The following BDP1 variants were observed in gnomAD, a reference collection of about 807,000 sequenced individuals.
The protein encoded by BDP1 is transcription factor TFIIIB component B'' homolog.
A neutral mutation model predicts 266.6 loss-of-function variants in BDP1; 169 were observed. That is an observed-to-expected ratio of 0.63 (90% confidence interval 0.56 to 0.72). The LOEUF (loss-of-function observed/expected upper bound fraction) is 0.72. BDP1 is among the 30% of genes least tolerant of loss of function. BDP1 has a pLI of 0.00. For missense variants in BDP1, 3,015 were observed against 3,053.8 expected, an observed-to-expected ratio of 0.99 and a Z score of 0.30; for synonymous variants, 1,090 against 1,022.4, an observed-to-expected ratio of 1.07 and a Z score of -1.26.
intron 22 of BDP1, 52 bp from the exon 23 acceptor site, chr5:71,522,237 C>T: frequency 6.8e-7 from 1 of 1,465,124 alleles, no homozygotes. Flanking sequence ...GCTGTTATAT[C>T]AACAAGAAAT....
At chr5:71,502,571 CATT>C in intron 14 of BDP1, 25 bp from the exon 15 acceptor site, 2 of 1,543,558 alleles carry the variant, frequency 1.3e-6, no homozygotes, top group Non-Finnish European at 1.8e-6. Flanking sequence ...TCAAAATAAA[CATT>C]AATTTTATTT....
Position 71,553,259 on chromosome 5 carries a change from T to C in BDP1, c.7139T>C (p.Ile2380Thr). The change falls in exon 35 of 39, where the codon ATT (isoleucine) becomes ACT (threonine). Residue 2380 changes from isoleucine (I) to threonine (T), a missense_variant. Physicochemically the swap from Ile to Thr is moderately conservative, Grantham distance 89 (BLOSUM62 -1). Around this residue, in one of 3 missense-constraint regions of BDP1, gnomAD observed 629 missense variants for 632.5 expected, o/e 0.99. Coordinates refer to ENST00000358731, the MANE Select transcript of BDP1 (RefSeq NM_018429.3). The stretch of plus-strand genomic sequence containing the variant: ...TGCAGGCTTGATAAAAATGACCACA[T>C]TCCTCCTGCCAAAAAACGTTCACTC... ...FQCRLDKNDH[I>T]PPAKKRSLTL... 6.2e-7 allele frequency: 1 copy of C among 1,613,274 alleles called. No individual in the cohort carries two copies. Among genetic ancestry groups the C allele is most frequent in the Non-Finnish European group, 8.5e-7 (1 of 1,179,946 alleles).
At chr5:71,557,586 G>A (rs958292584) in intron 36 of BDP1, among the ~76,000 whole-genome samples, 11 of 151,734 alleles carry the variant, frequency 7.2e-5, no homozygotes, top group African/African-American at 2.2e-4. Context: ...GGATTTCACC[G>A]TATTAGCCAG....
intron 16 of BDP1, among the ~76,000 whole-genome samples, chr5:71,508,112 G>A (rs112244595): frequency 0.01 from 1,572 of 151,754 alleles, 25 homozygotes; most frequent in African/African-American, 0.036. Context: ...TTACAGGCGC[G>A]TGCCACCACG....
rs541171520 is a variant in BDP1, at chr5:71,546,085, C to G, written c.6744+866C>G. Reference sequence around the variant, plus strand: ...ATTAGAGATGAACTTAGAAAGATAGCCTGCAGACAGATCATAAAAGGATTT... The same window carrying G: ...ATTAGAGATGAACTTAGAAAGATAGGCTGCAGACAGATCATAAAAGGATTT... On this transcript the variant is annotated intron_variant, in intron 32 of 38. Coordinates refer to ENST00000358731, the MANE Select transcript of BDP1 (RefSeq NM_018429.3). 9.9e-5 allele frequency among the ~76,000 whole-genome samples: 15 copies of G among 152,130 alleles called. No homozygotes were observed. In the South Asian group the frequency reaches 2.7e-3, roughly 27 times the overall value.
Position 71,542,371 on chromosome 5 carries a change from AAT to A in BDP1, c.6412+108_6412+109del, listed in dbSNP as rs1311151476. The A allele has an allele frequency of 4.9e-6, 5 of 1,012,446 alleles. No individual in the cohort carries two copies. In the African/African-American group the frequency reaches 8.3e-5, roughly 17 times the overall value. The allele number at this position is 1,012,446 out of a possible 1,614,324, so 62.7% of individuals were successfully genotyped here. On this transcript the variant is annotated intron_variant, in intron 30 of 38. Transcript: ENST00000358731. ...ATTAAATTGTTTTAACTTACAATAA[AAT>A]AGTTTCAAATTAAAAAGTAAGACGA...
rs561445936 is a variant in BDP1 at position 71,539,640 on chromosome 5, C to A, written c.6013C>A (p.Gln2005Lys). The change falls in exon 28 of 39, where the codon CAG becomes AAG. Residue 2005 changes from glutamine (Q) to lysine (K), a missense_variant. Coordinates refer to ENST00000358731, the MANE Select transcript of BDP1 (RefSeq NM_018429.3). ...ATTGCAGTCAGAGATCAGTAGTGAA[C>A]AGGGTGATGGTAAGAATGAAAGCTA... Reference protein sequence around the residue: ...LVLQSEISSEQGDVGVCIIPH... With the variant: ...LVLQSEISSEKGDVGVCIIPH... The A allele has an allele frequency of 6.2e-7, 1 of 1,606,912 alleles. No individual in the cohort carries two copies. The highest frequency in any genetic ancestry group is 1.3e-5 in the African/African-American group (1 of 74,584).
At chr5:71,479,934 G>A (rs965241436) in intron 7 of BDP1, among the ~76,000 whole-genome samples, 3 of 51,578 alleles carry the variant, frequency 5.8e-5, no homozygotes, top group African/African-American at 1.2e-4. Context: ...TTTGGTCTCC[G>A]TCACGGGTTT....
chr5:71,461,732 G>C, intron 2 of BDP1, 85 bp from the exon 3 acceptor site: 1 of 711,268 alleles, frequency 1.4e-6, no homozygotes, highest in East Asian at 2.6e-5. Flanking sequence ...TACAGTGAAC[G>C]CAACAGTGGA....
chr5:71,512,605 CAT>C (rs911383622), intron 18 of BDP1, among the ~76,000 whole-genome samples, 177 bp downstream of exon 18: 2 of 152,138 alleles, frequency 1.3e-5, no homozygotes, highest in Non-Finnish European at 2.9e-5. Flanking sequence ...AAGTTACTGA[CAT>C]ACAAAATTGT....
chr5:71,531,780 A>G (rs1197193274), intron 25 of BDP1, among the ~76,000 whole-genome samples: 1 of 152,142 alleles, frequency 6.6e-6, no homozygotes, highest in Non-Finnish European at 1.5e-5. Flanking sequence ...AAGTGCTGGG[A>G]TTACAGGCGT....
At chr5:71,480,929 C>T (rs573046611) in intron 7 of BDP1, among the ~76,000 whole-genome samples, 2 of 152,250 alleles carry the variant, frequency 1.3e-5, no homozygotes, top group Non-Finnish European at 2.9e-5. Flanking sequence ...GTAGTCCCAA[C>T]ACTTTGGGAG....
At position 71,510,425 on chromosome 5, in the gene BDP1, A is replaced by G; in HGVS notation, c.3333A>G (p.Leu1111=). The change falls in exon 17 of 39, where the codon CTA becomes CTG. Residue 1111 remains leucine (L), a synonymous_variant. Transcript: ENST00000358731. ...ATGGCCTAGAGGAGGTTAAGCCTCT[A>G]GGTGAAATGCAAACAGATTTGAAAG... ...QENGLEEVKP[L]GEMQTDLKAT... 6.2e-7 allele frequency: 1 copy of G among 1,614,072 alleles called. No individual in the cohort carries two copies. Among genetic ancestry groups the G allele is most frequent in the Non-Finnish European group, 8.5e-7 (1 of 1,179,972 alleles).
At chr5:71,573,072 T>C in the BDP1 span, among the ~76,000 whole-genome samples, 2 of 151,756 alleles carry the variant, frequency 1.3e-5, no homozygotes, top group Non-Finnish European at 1.5e-5. Context: ...CTACTAAAAA[T>C]ACAAAAATTA....
rs746853594 is a variant in BDP1 at position 71,456,027 on chromosome 5, C to G, written c.150C>G (p.Pro50=). Residue 50 remains proline, a synonymous_variant, in exon 1 of 39, where the codon CCC becomes CCG. Transcript: ENST00000358731. ...ACTCTGCTTCCAAGCCCGCGGAGCC[C>G]ACAGATGTGCCCACAGTCGATTTCG... ...ATDSASKPAE[P]TDVPTVDFGG... is the part of the protein sequence containing the mutation. 2 of 1,613,436 alleles carry G rather than the reference C, an allele frequency of 1.2e-6. No individual in the cohort carries two copies. The highest frequency in any genetic ancestry group is 3.3e-5 in the Admixed American group (2 of 60,036).
At position 71,550,393 on chromosome 5, in the gene BDP1, C is replaced by T. The variant is rs145091479; in HGVS notation, c.6995+787C>T. Among the ~76,000 whole-genome samples the T allele has an allele frequency of 5.4e-3, 823 of 152,018 alleles. 7 individuals carry two copies. The highest frequency in any genetic ancestry group is 0.019 in the African/African-American group (790 of 41,466). ...AGAGTGAGGAAAAAAAAAAAAAGAT[C>T]CTCATGCCTCAGCCTTTCAAGTAGC... On this transcript the variant is annotated intron_variant, in intron 34 of 38. Transcript: ENST00000358731.
At chr5:71,472,656 T>C (rs1422269559) in intron 7 of BDP1, among the ~76,000 whole-genome samples, 1 of 152,158 alleles carries the variant, frequency 6.6e-6, no homozygotes, top group Non-Finnish European at 1.5e-5. Flanking sequence ...TAATTTTCTT[T>C]TACAAAGTCT....
At chr5:71,492,267 T>C (rs573417420) in intron 11 of BDP1, among the ~76,000 whole-genome samples, 1 of 152,272 alleles carries the variant, frequency 6.6e-6, no homozygotes, top group South Asian at 2.1e-4. Flanking sequence ...AGAAGTGGGG[T>C]TGCTAGATCA....
chr5:71,522,755 G>C lies in BDP1; in HGVS notation c.5194-1G>C, dbSNP rs1765570609. The C allele has an allele frequency of 6.3e-7, 1 of 1,579,684 alleles. No homozygotes were observed. Among genetic ancestry groups the C allele is most frequent in the African/African-American group, 1.4e-5 (1 of 72,664 alleles). On this transcript the variant is annotated splice_acceptor_variant, in intron 23 of 38. Transcript: ENST00000358731. LOFTEE classifies it high-confidence loss of function. ...CTAGCTAATTTCTTCTTAAATTTAA[G>C]GAAAAAGCTGAGCTTCTGACATCTC...
Sources: gnomAD v4.1 joint callset for allele counts (sites outside exome capture counted in the v4.1 genomes callset) on GRCh38, gnomAD v4.1.1 for gene constraint, gnomAD v4.1.1 regional missense constraint, MANE v1.5 for transcripts, NCBI Gene and HGNC (gene_info 2026-07-23, HGNC 2026-07-21) for gene names.